Variants in TGFA observed in about 807,000 individuals in gnomAD.
TGFA encodes transforming growth factor alpha, also known as protransforming growth factor alpha.
Under a neutral mutation model 21.7 loss-of-function variants are expected in TGFA, and 12 were observed. That is an observed-to-expected ratio of 0.55 (90% CI 0.35 to 0.90). TGFA has a LOEUF of 0.90. Ranked by LOEUF, TGFA falls within the 40% of genes least tolerant of loss-of-function variation. TGFA has a pLI of 0.01. For synonymous variants in TGFA, 79 were observed against 88.1 expected (o/e 0.90, Z 0.58); for missense variants, 178 against 210.8 (o/e 0.84, Z 0.96).
At chr2:70,538,156 G>A (rs1553504723) in intron 1 of TGFA, among the ~76,000 whole-genome samples, 1 of 152,108 alleles carries the variant, frequency 6.6e-6, no homozygotes, top group Non-Finnish European at 1.5e-5. Flanking sequence ...TAAGCCCACT[G>A]TTGAGATCTA....
At chr2:70,552,479 G>A (rs192899644) in intron 1 of TGFA, among the ~76,000 whole-genome samples, 1 of 152,292 alleles carries the variant, frequency 6.6e-6, no homozygotes, top group Admixed American at 6.5e-5. Flanking sequence ...CACAAAAAAG[G>A]CAATTCTTCA....
chr2:70,544,151 T>C (rs1379674369), intron 1 of TGFA, among the ~76,000 whole-genome samples: 1 of 151,988 alleles, frequency 6.6e-6, no homozygotes, highest in African/African-American at 2.4e-5. Flanking sequence ...ATATAATATA[T>C]AACCAAAAAG....
chr2:70,479,709 A>T (rs1170700167), intron 2 of TGFA, among the ~76,000 whole-genome samples: 2 of 152,114 alleles, frequency 1.3e-5, no homozygotes, highest in Non-Finnish European at 2.9e-5. Flanking sequence ...ATTAAAAAAA[A>T]TTACTGACTT....
chr2:70,553,026 C>T (rs1305331371), intron 1 of TGFA, among the ~76,000 whole-genome samples: 1 of 152,228 alleles, frequency 6.6e-6, no homozygotes, highest in Non-Finnish European at 1.5e-5. Context: ...CTTCCCCTCA[C>T]CTTTCCCATC....
At chr2:70,524,929 C>T (rs1672589328) in intron 1 of TGFA, among the ~76,000 whole-genome samples, 1 of 151,960 alleles carries the variant, frequency 6.6e-6, no homozygotes, top group Admixed American at 6.5e-5. Context: ...CTCAACTTCC[C>T]TGGCCTGTGA....
chr2:70,528,214 T>C (rs1200407140), intron 1 of TGFA, among the ~76,000 whole-genome samples: 1 of 152,242 alleles, frequency 6.6e-6, no homozygotes, highest in Non-Finnish European at 1.5e-5. Context: ...GTTAATAATA[T>C]ACCAATATTT....
intron 2 of TGFA, among the ~76,000 whole-genome samples, chr2:70,472,059 T>C (rs572657685): frequency 1.3e-5 from 2 of 152,178 alleles, no homozygotes; most frequent in East Asian, 1.9e-4. Flanking sequence ...CACTCTATTG[T>C]TTTTTCTGGA....
intron 3 of TGFA, 96 bp downstream of exon 3, chr2:70,465,520 G>A (rs1023081296): frequency 9.9e-5 from 149 of 1,510,424 alleles, no homozygotes; most frequent in Admixed American, 2.9e-4. Context: ...CAGGGGTCTC[G>A]GAGCCTCTGG....
chr2:70,458,826 C>A (rs373251062), intron 3 of TGFA, among the ~76,000 whole-genome samples: 1 of 152,354 alleles, frequency 6.6e-6, no homozygotes, highest in South Asian at 2.1e-4. Flanking sequence ...TCTTCTCTGA[C>A]CAGCTTCACT....
At position 70,521,628 on chromosome 2, in the gene TGFA, T is replaced by TTG. The variant is rs1553502319; in HGVS notation, c.41-6717_41-6716insCA. 1.7e-3 allele frequency among the ~76,000 whole-genome samples: 230 copies of TTG among 138,536 alleles called. 2 individuals carry two copies. The highest frequency in any genetic ancestry group is 5.7e-3 in the African/African-American group (211 of 37,202). The allele number at this position is 138,536 out of a possible 152,430, so 90.9% of individuals were successfully genotyped here. A position where few individuals can be genotyped will look rare whatever the true frequency, so the allele number is the denominator to read the frequency against. On this transcript the variant is annotated intron_variant, in intron 1 of 5. Transcript: ENST00000295400. The stretch of plus-strand genomic sequence containing the variant: ...GTTGTTGTTTGTTTGTTTTTTTTTT[T>TTG]TTTTTTTTTTGAGTCTCGCTCTGTC...
chr2:70,474,519 A>G (rs539149401), intron 2 of TGFA, among the ~76,000 whole-genome samples: 5 of 152,314 alleles, frequency 3.3e-5, no homozygotes, highest in Non-Finnish European at 7.4e-5. Context: ...TATTTGGGGG[A>G]GGAGTGGGGA....
chr2:70,521,611 T>TTG (rs1672465803), intron 1 of TGFA, among the ~76,000 whole-genome samples: 2 of 93,662 alleles, frequency 2.1e-5, no homozygotes, highest in African/African-American at 7.5e-5. Context: ...TTGTTGTTGT[T>TTG]TGTTTGTTTT....
intron 1 of TGFA, among the ~76,000 whole-genome samples, chr2:70,523,502 C>T (rs979418577): frequency 6.6e-6 from 1 of 152,212 alleles, no homozygotes; most frequent in Admixed American, 6.5e-5. Context: ...CTTACAAACA[C>T]TAACTCCTTC....
intron 2 of TGFA, among the ~76,000 whole-genome samples, chr2:70,508,862 G>A (rs1553500573): frequency 1.3e-5 from 2 of 152,230 alleles, no homozygotes; most frequent in Non-Finnish European, 2.9e-5. Flanking sequence ...AGGTGTTGCA[G>A]CCAGTGAGTC....
In TGFA at chr2:70,450,586, C is replaced by G. The variant is rs537274877; in HGVS notation, c.*273G>C. 49 of 484,610 alleles carry G rather than the reference C, an allele frequency of 1.0e-4. No homozygotes were observed. The highest frequency in any genetic ancestry group is 1.7e-4 in the Non-Finnish European group (46 of 265,794). 30.0% of individuals were successfully genotyped at this position (484,610 alleles called of 1,614,324 possible). A position where few individuals can be genotyped will look rare whatever the true frequency, so the allele number is the denominator to read the frequency against. ...ACACCAACTGCTGCACACACCTCAC[C>G]TAGGTGAACAGGAGTCCGTCTCTTT... On this transcript the variant is annotated 3_prime_UTR_variant, in exon 6 of 6. Coordinates refer to ENST00000295400, the MANE Select transcript of TGFA (RefSeq NM_003236.4).
At chr2:70,513,629 G>T (rs1393303058) in intron 2 of TGFA, among the ~76,000 whole-genome samples, 2 of 152,234 alleles carry the variant, frequency 1.3e-5, no homozygotes, top group African/African-American at 4.8e-5. Flanking sequence ...AGGGGGACTG[G>T]TGGGGCTGCA....
chr2:70,489,071 C>T (rs954909525), intron 2 of TGFA, among the ~76,000 whole-genome samples: 1 of 152,162 alleles, frequency 6.6e-6, no homozygotes, highest in Non-Finnish European at 1.5e-5. Flanking sequence ...CCAGTAGCAG[C>T]TCTGTCACAC....
At chr2:70,467,974 C>T (rs1233717187) in intron 2 of TGFA, among the ~76,000 whole-genome samples, 1 of 152,200 alleles carries the variant, frequency 6.6e-6, no homozygotes, top group African/African-American at 2.4e-5. Flanking sequence ...CCTCTCCTAG[C>T]CTGCCTCTGC....
intron 1 of TGFA, among the ~76,000 whole-genome samples, chr2:70,515,211 C>A (rs1672234952): frequency 6.6e-6 from 1 of 152,130 alleles, no homozygotes; most frequent in African/African-American, 2.4e-5. Context: ...TTCTTAACAC[C>A]TTATAAATAT....
Sources: allele counts gnomAD v4.1 joint callset (sites outside exome capture counted in the v4.1 genomes callset), GRCh38; gene constraint gnomAD v4.1.1; transcripts MANE v1.5; gene names NCBI Gene and HGNC (gene_info 2026-07-23, HGNC 2026-07-21).